SMARCA2: variants seen among roughly 807,000 people sequenced by gnomAD.
SMARCA2 encodes the protein SWI/SNF-related matrix-associated actin-dependent regulator of chromatin subfamily A member 2.
In SMARCA2, 61 loss-of-function variants were observed where a neutral mutation model predicts 199.8. The ratio of observed to expected loss-of-function variants is 0.31; its 90% CI spans 0.25 to 0.38. The LOEUF is 0.38. Ranked by LOEUF, SMARCA2 falls within the 10% of genes least tolerant of loss-of-function variation. The pLI is 1.00. For missense variants in SMARCA2, 1,344 were observed against 2,012.2 expected (o/e 0.67, Z 6.35); for synonymous variants, 935 against 732.0 (o/e 1.28, Z -4.48).
chr9:2,082,834 G>A (rs1821627484), intron 15 of SMARCA2, among the ~76,000 whole-genome samples: 1 of 152,062 alleles, frequency 6.6e-6, no homozygotes, highest in African/African-American at 2.4e-5. Flanking sequence ...GTAATATTTA[G>A]GCATCTTTTG....
At position 2,191,273 on chromosome 9, in the gene SMARCA2, A is replaced by C. The variant is rs776487920; in HGVS notation, c.4602A>C (p.Ser1534=). The change falls in exon 33 of 34, where the codon TCA becomes TCC. Residue 1534 remains serine, a synonymous_variant. Transcript: ENST00000349721. ...CATTTGCTTTGGTTTTAGCAAAATCAGTCAAGGTGAAAATTAAGCTCAATA... is the reference window on the plus strand; with the variant it reads ...CATTTGCTTTGGTTTTAGCAAAATCCGTCAAGGTGAAAATTAAGCTCAATA... ...DEEESESEAK[S]VKVKIKLNKK... is the part of the protein sequence containing the mutation. The C allele has an allele frequency of 1.2e-6, 2 of 1,614,054 alleles. No individual in the cohort carries two copies. The highest frequency in any genetic ancestry group is 2.2e-5 in the South Asian group (2 of 91,086).
At position 2,116,017 on chromosome 9, in the gene SMARCA2, C is replaced by T; in HGVS notation, c.3652C>T (p.Gln1218Ter). The change falls in exon 25 of 34, where the codon CAG becomes TAG. Residue 1218 changes from glutamine to a stop codon, truncating the protein, a stop_gained. Coordinates refer to ENST00000349721, the MANE Select transcript of SMARCA2 (RefSeq NM_003070.5). LOFTEE classifies it high-confidence loss of function. The stretch of plus-strand genomic sequence containing the variant: ...AAGCCACGAGCGGAGGGCATTCCTG[C>T]AGGCCATCTTGGAGCATGAGGAGGA... ...SSSHERRAFLQAILEHEEENE... is the reference protein window; with the variant it reads ...SSSHERRAFL 6.2e-7 allele frequency: 1 copy of T among 1,613,980 alleles called. No individual in the cohort carries two copies. Among genetic ancestry groups the T allele is most frequent in the Non-Finnish European group, 8.5e-7 (1 of 1,179,890 alleles).
chr9:2,092,019 C>T (rs549205700), intron 19 of SMARCA2, among the ~76,000 whole-genome samples: 3 of 152,244 alleles, frequency 2.0e-5, no homozygotes, highest in East Asian at 1.9e-4. Context: ...CCACCAACAC[C>T]GCTAAGCTGT....
At position 2,110,792 on chromosome 9, in the gene SMARCA2, A is replaced by AT. The variant is rs1448462630; in HGVS notation, c.3456+381dup. 6.6e-6 allele frequency among the ~76,000 whole-genome samples: 1 copy of AT among 152,180 alleles called. No homozygotes were observed. Among genetic ancestry groups the AT allele is most frequent in the Admixed American group, 6.5e-5 (1 of 15,280 alleles). On this transcript the variant is annotated intron_variant, in intron 24 of 33. Transcript: ENST00000349721. The surrounding 1 kb of genome is among the most constrained non-coding windows in gnomAD (Gnocchi z 4.8). ...CTTAATCTGTGTCAGCCTCTTGGGC[A>AT]TTTTTTCATTCAGTTTTACGACAAC... is the stretch of plus-strand genomic sequence containing the variant.
intron 27 of SMARCA2, among the ~76,000 whole-genome samples, chr9:2,151,652 GA>G (rs1276301172): frequency 3.3e-5 from 5 of 152,104 alleles, no homozygotes; most frequent in Non-Finnish European, 7.4e-5. Context: ...AGAATCTCTT[GA>G]ACCCAGGAGG....
At chr9:2,121,491 G>T (rs1471665299) in intron 26 of SMARCA2, among the ~76,000 whole-genome samples, 1 of 152,184 alleles carries the variant, frequency 6.6e-6, no homozygotes, top group Non-Finnish European at 1.5e-5. Context: ...CCACTTGGGG[G>T]CAGGAAATAA....
chr9:2,173,297 ATGT>A (rs1466870121), intron 29 of SMARCA2, among the ~76,000 whole-genome samples: 3 of 152,146 alleles, frequency 2.0e-5, no homozygotes, highest in Non-Finnish European at 4.4e-5. Flanking sequence ...TGTTGTGATG[ATGT>A]TGTTAGTATT....
At chr9:2,182,589 G>T (rs943836167) in intron 31 of SMARCA2, among the ~76,000 whole-genome samples, 15 of 144,932 alleles carry the variant, frequency 1.0e-4, no homozygotes, top group African/African-American at 3.3e-4. Flanking sequence ...CGCCTCCCAG[G>T]TTCAAGCCAT....
At chr9:2,178,510 C>T (rs1053567676) in intron 29 of SMARCA2, among the ~76,000 whole-genome samples, 3 of 152,122 alleles carry the variant, frequency 2.0e-5, no homozygotes, top group Non-Finnish European at 4.4e-5. Flanking sequence ...AAACAGAACA[C>T]CTTCTGTAAA....
chr9:2,099,844 G>A (rs549866919), intron 21 of SMARCA2, among the ~76,000 whole-genome samples: 1 of 152,306 alleles, frequency 6.6e-6, no homozygotes, highest in Admixed American at 6.5e-5. Flanking sequence ...TTAACATGAT[G>A]CTGTTACCTA....
At chr9:2,187,921 G>A (rs866943005) in intron 32 of SMARCA2, among the ~76,000 whole-genome samples, 14 of 151,990 alleles carry the variant, frequency 9.2e-5, no homozygotes, top group Non-Finnish European at 8.8e-5. Context: ...CAAAAATCAT[G>A]CCACAAAACT....
intron 26 of SMARCA2, among the ~76,000 whole-genome samples, chr9:2,121,302 G>C (rs58152462): frequency 0.11 from 17,411 of 152,208 alleles, 2,071 homozygotes; most frequent in African/African-American, 0.31. Flanking sequence ...AAAGAACAGG[G>C]TTGTAACACA....
At chr9:2,048,343 C>T (rs545959369) in intron 5 of SMARCA2, among the ~76,000 whole-genome samples, 3 of 152,228 alleles carry the variant, frequency 2.0e-5, no homozygotes, top group South Asian at 2.1e-4. Context: ...CTTACCGTGG[C>T]GAAGTTATGT....
intron 29 of SMARCA2, among the ~76,000 whole-genome samples, chr9:2,177,040 T>C (rs1790707192): frequency 6.6e-6 from 1 of 152,222 alleles, no homozygotes; most frequent in South Asian, 2.1e-4. Context: ...GGAGTGCAGA[T>C]GCTTGTAACA....
rs772880811 is a variant in SMARCA2, at chr9:2,056,601, C to T, written c.1174-71C>T. The T allele has an allele frequency of 3.3e-4, 464 of 1,408,166 alleles. 1 individual carries two copies. The highest frequency in any genetic ancestry group is 2.8e-4 in the Admixed American group (12 of 42,296). The allele number at this position is 1,408,166 out of a possible 1,614,324, so 87.2% of individuals were successfully genotyped here. On this transcript the variant is annotated intron_variant, in intron 6 of 33. Coordinates refer to ENST00000349721, the MANE Select transcript of SMARCA2 (RefSeq NM_003070.5). This position sits in a 1 kb window ranked among gnomAD's most constrained non-coding sequence, Gnocchi z 4.0. Reference sequence around the variant, plus strand: ...CCCACTCTATTCCATTAAATGCAACCGCGAGAAGGCCAGAGTTCAGGAACC... The same window carrying T: ...CCCACTCTATTCCATTAAATGCAACTGCGAGAAGGCCAGAGTTCAGGAACC...
intron 15 of SMARCA2, among the ~76,000 whole-genome samples, chr9:2,082,875 C>T (rs138815141): frequency 6.6e-6 from 1 of 152,310 alleles, no homozygotes; most frequent in East Asian, 1.9e-4. Flanking sequence ...TGTTCTGAAT[C>T]ATATATACAG....
rs1218383865 is a variant in SMARCA2, at chr9:2,039,210, T to TA, written c.356-255dup. On this transcript the variant is annotated intron_variant, in intron 3 of 33. Coordinates refer to ENST00000349721, the MANE Select transcript of SMARCA2 (RefSeq NM_003070.5). The surrounding 1 kb of genome is among the most constrained non-coding windows in gnomAD (Gnocchi z 4.8). ...TTTGGGTATGTTGGTTTAAGTAAAA[T>TA]ACATTTAAATTAACTTTACCTGCTT... Among the ~76,000 whole-genome samples, 2 of 151,672 alleles carry TA rather than the reference T, an allele frequency of 1.3e-5. No homozygotes were observed. The highest frequency in any genetic ancestry group is 4.8e-5 in the African/African-American group (2 of 41,340).
intron 21 of SMARCA2, among the ~76,000 whole-genome samples, chr9:2,101,343 G>A (rs1224222577): frequency 6.6e-6 from 1 of 152,072 alleles, no homozygotes; most frequent in Non-Finnish European, 1.5e-5. Flanking sequence ...CCTGTTACCT[G>A]AGAGTCTAGA....
At chr9:2,111,454 C>G (rs1357286818) in intron 24 of SMARCA2, among the ~76,000 whole-genome samples, 1 of 148,666 alleles carries the variant, frequency 6.7e-6, no homozygotes, top group Admixed American at 6.7e-5. Context: ...ATCGTACCAC[C>G]GCTCTCCAGC....
Sources: allele counts gnomAD v4.1 joint callset (sites outside exome capture counted in the v4.1 genomes callset), GRCh38; gene constraint gnomAD v4.1.1; non-coding constraint Gnocchi (gnomAD v3.1); transcripts MANE v1.5; gene names NCBI Gene and HGNC (gene_info 2026-07-23, HGNC 2026-07-21).